Variants in RERE observed in about 807,000 individuals in gnomAD.
RERE encodes arginine-glutamic acid dipeptide repeats protein.
In RERE, 40 loss-of-function variants were observed where a neutral mutation model predicts 146.1. The observed-to-expected ratio is 0.27, with a 90% CI of 0.21 to 0.36. The LOEUF (loss-of-function observed/expected upper bound fraction) is 0.36, where lower values mean the gene tolerates loss of function less well. Among genes scored for constraint, RERE ranks in the 10% least tolerant of loss-of-function variants. The pLI is 1.00. For synonymous variants in RERE, 1,003 were observed against 866.0 expected, an observed-to-expected ratio of 1.16 and a Z score of -2.78; for missense variants, 1,933 against 2,138.7, an observed-to-expected ratio of 0.90 and a Z score of 1.90.
At chr1:8,381,291 G>A (rs537275032) in intron 12 of RERE, among the ~76,000 whole-genome samples, 266 of 152,202 alleles carry the variant, frequency 1.7e-3, no homozygotes, top group Non-Finnish European at 3.2e-3. Flanking sequence ...GTGAACAGGG[G>A]ATGTGGCCAC....
intron 1 of RERE, among the ~76,000 whole-genome samples, chr1:8,697,999 A>G (rs577084155): frequency 1.3e-4 from 20 of 152,354 alleles, no homozygotes; most frequent in Non-Finnish European, 2.8e-4. Flanking sequence ...GTTATCAATT[A>G]CATATATTTA....
chr1:8,669,024 C>CTG (rs59647434), intron 1 of RERE, among the ~76,000 whole-genome samples: 1,378 of 43,620 alleles, frequency 0.032, 69 homozygotes, highest in Middle Eastern at 0.042. Flanking sequence ...GCACTCAACT[C>CTG]TGTGTGTGTG....
intron 12 of RERE, among the ~76,000 whole-genome samples, chr1:8,397,455 G>A (rs1169964597): frequency 6.7e-6 from 1 of 149,778 alleles, no homozygotes; most frequent in Admixed American, 6.6e-5. Context: ...CAGAGAATAA[G>A]TGGGATAGCT....
intron 1 of RERE, among the ~76,000 whole-genome samples, chr1:8,726,422 G>T (rs1251929305): frequency 8.5e-5 from 13 of 152,088 alleles, no homozygotes; most frequent in Non-Finnish European, 1.5e-5. Context: ...CAAAGTGCTG[G>T]GGTTACAGGC....
At chr1:8,382,443 CATGCGTGCGT>C (rs1380185220) in intron 12 of RERE, among the ~76,000 whole-genome samples, 5 of 152,278 alleles carry the variant, frequency 3.3e-5, no homozygotes, top group Middle Eastern at 3.2e-3. Flanking sequence ...GCCACGTGCG[CATGCGTGCGT>C]GTGCATGAGA....
intron 4 of RERE, among the ~76,000 whole-genome samples, chr1:8,589,074 A>G (rs761012054): frequency 6.6e-6 from 1 of 152,100 alleles, no homozygotes; most frequent in Non-Finnish European, 1.5e-5. Flanking sequence ...CAGTGAGCTG[A>G]GATGGTGCCA....
intron 1 of RERE, among the ~76,000 whole-genome samples, chr1:8,731,127 A>G (rs1640070529): frequency 6.6e-6 from 1 of 152,220 alleles, no homozygotes; most frequent in African/African-American, 2.4e-5. Flanking sequence ...GCAATACAGT[A>G]ATCAATACCT....
At position 8,356,052 on chromosome 1, in the gene RERE, C is replaced by T; in HGVS notation, c.4486+48G>A. The T allele has an allele frequency of 6.9e-7, 1 of 1,458,018 alleles. No individual in the cohort carries two copies. The highest frequency in any genetic ancestry group is 9.0e-7 in the Non-Finnish European group (1 of 1,106,842). The allele number at this position is 1,458,018 out of a possible 1,614,324, so 90.3% of individuals were successfully genotyped here. A position where few individuals can be genotyped will look rare whatever the true frequency, so the allele number is the denominator to read the frequency against. On this transcript the variant is annotated intron_variant, in intron 21 of 22. Transcript: ENST00000400908. The surrounding 1 kb of genome is among the most constrained non-coding windows in gnomAD (Gnocchi z 5.2). ...ATGAAGACAGCAGACCAGACCCCAA[C>T]CCAACCCTCACACGGCCTCCCCGCC...
chr1:8,508,609 T>C lies in RERE; in HGVS notation c.879+18A>G. ...AGAAACAAAAACCTATTAAGGAAGC[T>C]ATGAAAATGAACTTCACCTGATGAC... On this transcript the variant is annotated intron_variant, in intron 8 of 22. Coordinates refer to ENST00000400908, the MANE Select transcript of RERE (RefSeq NM_001042681.2). The C allele has an allele frequency of 1.9e-6, 3 of 1,589,318 alleles. No individual in the cohort carries two copies. The highest frequency in any genetic ancestry group is 2.6e-6 in the Non-Finnish European group (3 of 1,157,846).
At chr1:8,379,440 C>T (rs1193727381) in intron 12 of RERE, among the ~76,000 whole-genome samples, 1 of 152,192 alleles carries the variant, frequency 6.6e-6, no homozygotes, top group Non-Finnish European at 1.5e-5. Flanking sequence ...CTGGGTTCCT[C>T]ACATCAACAG....
At chr1:8,452,670 G>T (rs1644402791) in intron 11 of RERE, among the ~76,000 whole-genome samples, 1 of 152,220 alleles carries the variant, frequency 6.6e-6, no homozygotes, top group Non-Finnish European at 1.5e-5. Flanking sequence ...GGATACAACG[G>T]TCTCAAACAT....
At chr1:8,375,317 A>G (rs1642196469) in intron 12 of RERE, among the ~76,000 whole-genome samples, 1 of 152,234 alleles carries the variant, frequency 6.6e-6, no homozygotes, top group Non-Finnish European at 1.5e-5. Context: ...TCTCATCATT[A>G]TTTTGTAAAA....
At chr1:8,696,577 G>C (rs575476814) in intron 1 of RERE, among the ~76,000 whole-genome samples, 1 of 152,200 alleles carries the variant, frequency 6.6e-6, no homozygotes, top group South Asian at 2.1e-4. Context: ...TTGTGCCACT[G>C]AACTCCTGCC....
intron 1 of RERE, among the ~76,000 whole-genome samples, chr1:8,788,443 C>A (rs1301110290): frequency 6.6e-6 from 1 of 150,496 alleles, no homozygotes; most frequent in East Asian, 2.0e-4. Context: ...CGGCTCACTG[C>A]AACCACCTCC....
chr1:8,556,256 CAA>C (rs111743369), intron 6 of RERE, among the ~76,000 whole-genome samples: 1 of 135,784 alleles, frequency 7.4e-6, no homozygotes, highest in East Asian at 2.1e-4. Flanking sequence ...AGTAAATTAT[CAA>C]AAAAAAAAAA....
At chr1:8,394,742 A>G (rs1642995476) in intron 12 of RERE, among the ~76,000 whole-genome samples, 1 of 152,198 alleles carries the variant, frequency 6.6e-6, no homozygotes, top group Non-Finnish European at 1.5e-5. Context: ...TACCCCAAGG[A>G]AATAAGAAAA....
rs1452345124 is a variant in RERE at position 8,354,581 on chromosome 1, T to C, written c.*506A>G. The C allele has an allele frequency of 6.6e-6, 1 of 152,370 alleles. No individual in the cohort carries two copies. The highest frequency in any genetic ancestry group is 1.5e-5 in the Non-Finnish European group (1 of 68,186). 9.4% of individuals were successfully genotyped at this position (152,370 alleles called of 1,614,324 possible). On this transcript the variant is annotated 3_prime_UTR_variant, in exon 23 of 23. Transcript: ENST00000400908. ...GACGTAAAAAGCCATGCTGCAGAAC[T>C]TTCTCCAATTATGAAGATTTCCTAC...
At chr1:8,758,624 G>A (rs1640694627) in intron 1 of RERE, among the ~76,000 whole-genome samples, 1 of 152,002 alleles carries the variant, frequency 6.6e-6, no homozygotes, top group African/African-American at 2.4e-5. Flanking sequence ...CTAGGATCAA[G>A]GGGTCCTCCT....
At chr1:8,742,728 C>T (rs1210921771) in intron 1 of RERE, among the ~76,000 whole-genome samples, 3 of 151,860 alleles carry the variant, frequency 2.0e-5, no homozygotes, top group Non-Finnish European at 4.4e-5. Context: ...ATTAGCCAGG[C>T]GTGATGGGGT....
Sources: gnomAD v4.1 joint callset for allele counts (sites outside exome capture counted in the v4.1 genomes callset) on GRCh38, gnomAD v4.1.1 for gene constraint, Gnocchi (gnomAD v3.1) non-coding constraint, MANE v1.5 for transcripts, NCBI Gene and HGNC (gene_info 2026-07-23, HGNC 2026-07-21) for gene names.